The following PDE11A variants were observed in gnomAD, a reference collection of about 807,000 sequenced individuals.
The protein encoded by PDE11A is phosphodiesterase 11A.
In PDE11A, 100 loss-of-function variants were observed where a neutral mutation model predicts 100.5. The ratio of observed to expected loss-of-function variants is 1.00; its 90% CI spans 0.85 to 1.18. The LOEUF (loss-of-function observed/expected upper bound fraction) is 1.18, where lower values mean the gene tolerates loss of function less well. Ranked by LOEUF, PDE11A falls within the 50% of genes most tolerant of loss-of-function variation. PDE11A has a pLI of 0.00. For synonymous variants in PDE11A, 381 were observed against 420.8 expected, an observed-to-expected ratio of 0.91 and a Z score of 1.16; for missense variants, 1,141 against 1,152.6, an observed-to-expected ratio of 0.99 and a Z score of 0.15.
chr2:177,742,926 G>A (rs2081894893), intron 10 of PDE11A, among the ~76,000 whole-genome samples: 2 of 152,212 alleles, frequency 1.3e-5, no homozygotes, highest in Admixed American at 1.3e-4. Context: ...GAGCCAGCAA[G>A]AGGAAAGTGT....
At chr2:178,053,619 C>T (rs1050105026) in intron 1 of PDE11A, among the ~76,000 whole-genome samples, 5 of 152,168 alleles carry the variant, frequency 3.3e-5, no homozygotes, top group African/African-American at 7.2e-5. Context: ...AAAACCCCAT[C>T]ATCTCAGCCC....
intron 17 of PDE11A, among the ~76,000 whole-genome samples, chr2:177,672,133 G>A (rs1282779559): frequency 6.6e-6 from 1 of 152,178 alleles, no homozygotes; most frequent in Non-Finnish European, 1.5e-5. Flanking sequence ...TCCCAGAAGG[G>A]AGGCCTTCCC....
intron 7 of PDE11A, among the ~76,000 whole-genome samples, chr2:177,819,868 T>TTCTCTCTCTC (rs34374310): frequency 6.4e-4 from 89 of 139,174 alleles, no homozygotes; most frequent in African/African-American, 2.0e-3. Context: ...CTTTCTCTCT[T>TTCTCTCTCTC]TCTCTCTCTC....
At chr2:177,748,791 A>T (rs1362853659) in intron 10 of PDE11A, among the ~76,000 whole-genome samples, 2 of 152,178 alleles carry the variant, frequency 1.3e-5, no homozygotes, top group Admixed American at 1.3e-4. Context: ...AAATCCTGAA[A>T]ATCAAATCTT....
At chr2:177,836,128 G>A (rs973047415) in intron 6 of PDE11A, among the ~76,000 whole-genome samples, 15 of 152,270 alleles carry the variant, frequency 9.9e-5, no homozygotes, top group Non-Finnish European at 1.8e-4. Flanking sequence ...GAAGCCAGCT[G>A]GGCTCCTGAG....
At chr2:177,699,370 A>T (rs751089167) in intron 14 of PDE11A, among the ~76,000 whole-genome samples, 1 of 152,238 alleles carries the variant, frequency 6.6e-6, no homozygotes, top group Non-Finnish European at 1.5e-5. Flanking sequence ...CGTCGCACCA[A>T]TGTGGTCTCT....
intron 19 of PDE11A, among the ~76,000 whole-genome samples, chr2:177,650,315 A>C (rs563868107): frequency 1.3e-5 from 2 of 152,274 alleles, no homozygotes; most frequent in Admixed American, 1.3e-4. Context: ...TGTTGTGTTC[A>C]CCACTCATTT....
intron 2 of PDE11A, among the ~76,000 whole-genome samples, chr2:177,950,740 T>G (rs1167040688): frequency 6.6e-6 from 1 of 152,196 alleles, no homozygotes; most frequent in Non-Finnish European, 1.5e-5. Flanking sequence ...TGAAACCCCG[T>G]CTTTATTAAA....
At chr2:177,828,308 C>T (rs952126806) in intron 6 of PDE11A, among the ~76,000 whole-genome samples, 4 of 151,856 alleles carry the variant, frequency 2.6e-5, no homozygotes, top group African/African-American at 9.7e-5. Context: ...AAAGCATATT[C>T]ATAAATTACA....
chr2:177,920,286 T>C (rs898266568), intron 2 of PDE11A, among the ~76,000 whole-genome samples: 1 of 151,924 alleles, frequency 6.6e-6, no homozygotes, highest in Non-Finnish European at 1.5e-5. Flanking sequence ...GGGAAAATTA[T>C]TTGCAATGTT....
At chr2:177,856,271 C>A (rs149331984) in intron 5 of PDE11A, among the ~76,000 whole-genome samples, 149 of 152,106 alleles carry the variant, frequency 9.8e-4, no homozygotes, top group African/African-American at 3.5e-3. Context: ...ACAATAATAG[C>A]AACAAACAGA....
intron 4 of PDE11A, among the ~76,000 whole-genome samples, chr2:177,881,392 T>TATCC (rs1372810356): frequency 2.1e-5 from 3 of 141,626 alleles, no homozygotes; most frequent in African/African-American, 5.4e-5. Context: ...TCTATCCATC[T>TATCC]ATCTATCTAG....
At chr2:177,925,448 T>G (rs979340560) in intron 2 of PDE11A, among the ~76,000 whole-genome samples, 15 of 151,962 alleles carry the variant, frequency 9.9e-5, no homozygotes, top group Admixed American at 5.9e-4. Flanking sequence ...GGTATCTCAT[T>G]GTGGTTTTGA....
chr2:177,933,555 C>T (rs528666126), intron 2 of PDE11A, among the ~76,000 whole-genome samples: 4 of 152,228 alleles, frequency 2.6e-5, no homozygotes, highest in African/African-American at 7.2e-5. Context: ...ATGGCTTGCA[C>T]CTATAGTCTC....
At chr2:177,905,992 C>T (rs934168366) in intron 2 of PDE11A, among the ~76,000 whole-genome samples, 2 of 152,204 alleles carry the variant, frequency 1.3e-5, no homozygotes, top group Non-Finnish European at 2.9e-5. Context: ...AGAAATTCAT[C>T]TCCAGAATCT....
chr2:177,972,116 G>C (rs534762722), intron 2 of PDE11A, among the ~76,000 whole-genome samples: 18 of 152,310 alleles, frequency 1.2e-4, no homozygotes, highest in African/African-American at 3.6e-4. Context: ...GAGCTACAAA[G>C]AGCAATTTAG....
chr2:177,998,138 G>A (rs1443057714), intron 2 of PDE11A: 1 of 1,118,590 alleles, frequency 8.9e-7, no homozygotes, highest in Non-Finnish European at 1.4e-6. Context: ...TTTACAAGTT[G>A]CTGTCTTCCA....
chr2:177,782,605 T>G (rs544039933), intron 9 of PDE11A, among the ~76,000 whole-genome samples: 21 of 152,346 alleles, frequency 1.4e-4, no homozygotes, highest in African/African-American at 4.8e-4. Flanking sequence ...TTCTTATGTA[T>G]TCTTGTGCTG....
intron 15 of PDE11A, chr2:177,686,583 G>A (rs2080954952): frequency 6.6e-6 from 1 of 151,900 alleles, no homozygotes; most frequent in African/African-American, 2.4e-5. Flanking sequence ...GAAAAAAAAG[G>A]AAAAGAAAGG....
Sources: allele counts gnomAD v4.1 joint callset (sites outside exome capture counted in the v4.1 genomes callset), GRCh38; gene constraint gnomAD v4.1.1; transcripts MANE v1.5; gene names NCBI Gene and HGNC (gene_info 2026-07-23, HGNC 2026-07-21).